The following CACNA1C variants were observed in gnomAD, a reference collection of about 807,000 sequenced individuals.
The protein encoded by CACNA1C is calcium voltage-gated channel subunit alpha1 C.
Under a neutral mutation model 229.0 loss-of-function variants are expected in CACNA1C, and 30 were observed. That is an observed-to-expected ratio of 0.13 (90% CI 0.10 to 0.18). The LOEUF is 0.18. Among genes scored for constraint, CACNA1C ranks in the 10% least tolerant of loss-of-function variants. The pLI, the probability that CACNA1C is intolerant of heterozygous loss-of-function variation, is 1.00. For synonymous variants in CACNA1C, 1,114 were observed against 1,132.5 expected (o/e 0.98, Z 0.33); for missense variants, 1,658 against 2,845.0 (o/e 0.58, Z 9.49).
At chr12:2,170,904 C>A (rs956797068) in intron 3 of CACNA1C, among the ~76,000 whole-genome samples, 1 of 152,202 alleles carries the variant, frequency 6.6e-6, no homozygotes, top group Admixed American at 6.5e-5. Context: ...ATGGGACCCA[C>A]CCCTGCTGCT....
In CACNA1C at chr12:2,689,047, G is replaced by A. The variant is rs1037838053; in HGVS notation, c.6117+268G>A. 6.6e-6 allele frequency among the ~76,000 whole-genome samples: 1 copy of A among 152,176 alleles called. No individual in the cohort carries two copies. The highest frequency in any genetic ancestry group is 6.5e-5 in the Admixed American group (1 of 15,278). On this transcript the variant is annotated intron_variant, in intron 46 of 46. Transcript: ENST00000399655. This position sits in a 1 kb window ranked among gnomAD's most constrained non-coding sequence, Gnocchi z 4.2. Reference sequence around the variant, plus strand: ...CTTATCCCTTATACTGCAGCTGCTCGACATGCAAATGTGAGCCTGGCTGCC... The same window carrying A: ...CTTATCCCTTATACTGCAGCTGCTCAACATGCAAATGTGAGCCTGGCTGCC...
intron 3 of CACNA1C, among the ~76,000 whole-genome samples, chr12:2,257,554 A>T (rs1415305774): frequency 1.3e-5 from 2 of 152,204 alleles, no homozygotes; most frequent in African/African-American, 2.4e-5. Flanking sequence ...ATCTGACAGG[A>T]GCTGGAGCTC....
At chr12:2,177,886 C>T (rs182865597) in intron 3 of CACNA1C, among the ~76,000 whole-genome samples, 101 of 152,246 alleles carry the variant, frequency 6.6e-4, no homozygotes, top group Middle Eastern at 3.4e-3. Flanking sequence ...ATCCATCCGC[C>T]TCTGCCTCCC....
rs2097003960 is a variant in CACNA1C, at chr12:2,346,004, G to A, written c.478-102972G>A. 6.6e-6 allele frequency among the ~76,000 whole-genome samples: 1 copy of A among 152,242 alleles called. No individual in the cohort carries two copies. Among genetic ancestry groups the A allele is most frequent in the Non-Finnish European group, 1.5e-5 (1 of 68,044 alleles). On this transcript the variant is annotated intron_variant, in intron 3 of 46. Coordinates refer to ENST00000399655, the MANE Select transcript of CACNA1C (RefSeq NM_000719.7). This position sits in a 1 kb window ranked among gnomAD's most constrained non-coding sequence, Gnocchi z 4.4. ...CACCTCTGACGCCCGGGCTTGGTCT[G>A]TGAAGGAACGTGGGCCGTATGGCAG...
chr12:2,152,216 T>A lies in CACNA1C; in HGVS notation c.477+31786T>A, dbSNP rs1486549806. ...AGATGCCACTTGTGACAGAAATGAC[T>A]GTTACCCAGTGTCTGTTCTCTACCT... On this transcript the variant is annotated intron_variant, in intron 3 of 46. Transcript: ENST00000399655. The surrounding 1 kb of genome is among the most constrained non-coding windows in gnomAD (Gnocchi z 4.2). 3.9e-5 allele frequency among the ~76,000 whole-genome samples: 6 copies of A among 152,254 alleles called. No homozygotes were observed. In the East Asian group the frequency reaches 1.2e-3, roughly 29 times the overall value.
chr12:2,273,819 G>T (rs551282295), intron 3 of CACNA1C, among the ~76,000 whole-genome samples: 47 of 152,324 alleles, frequency 3.1e-4, no homozygotes, highest in African/African-American at 1.1e-3. Flanking sequence ...TTGGTTAGGG[G>T]GCAGAGAACG....
At position 2,581,807 on chromosome 12, in the gene CACNA1C, C is replaced by T. The variant is rs2060558761; in HGVS notation, c.2103+10C>T. On this transcript the variant is annotated intron_variant, in intron 14 of 46. Coordinates refer to ENST00000399655, the MANE Select transcript of CACNA1C (RefSeq NM_000719.7). ...CCTCACTGTGTTTCAGGTATGGACTCTTCTCTGCTGGGATTCGGACTCGGG... is the reference window on the plus strand; with the variant it reads ...CCTCACTGTGTTTCAGGTATGGACTTTTCTCTGCTGGGATTCGGACTCGGG... 2 of 1,537,222 alleles carry T rather than the reference C, an allele frequency of 1.3e-6. No homozygotes were observed. Among genetic ancestry groups the T allele is most frequent in the South Asian group, 1.1e-5 (1 of 89,034 alleles).
chr12:2,112,998 T>C, intron 1 of CACNA1C, among the ~76,000 whole-genome samples: 1 of 152,206 alleles, frequency 6.6e-6, no homozygotes, highest in East Asian at 1.9e-4. Context: ...GAGACCCAAT[T>C]CACATTAGCT....
chr12:2,291,974 A>G (rs1465694736), intron 3 of CACNA1C, among the ~76,000 whole-genome samples: 2 of 152,196 alleles, frequency 1.3e-5, no homozygotes, highest in African/African-American at 4.8e-5. Flanking sequence ...GGGTCGTTTA[A>G]GTTTCCCACT....
intron 30 of CACNA1C, among the ~76,000 whole-genome samples, chr12:2,637,847 G>A (rs1000131638): frequency 1.3e-5 from 2 of 152,240 alleles, no homozygotes; most frequent in African/African-American, 2.4e-5. Flanking sequence ...CCATGAGGGC[G>A]TTTCACCTGT....
chr12:2,242,924 G>A (rs191208489), intron 3 of CACNA1C, among the ~76,000 whole-genome samples: 57 of 152,314 alleles, frequency 3.7e-4, no homozygotes, highest in African/African-American at 1.3e-3. Context: ...AATTTAAGAG[G>A]AAAGAACTGA....
At chr12:1,993,417 A>C in intron 1 of CACNA1C, 1 of 1,603,236 alleles carries the variant, frequency 6.2e-7, no homozygotes, top group Non-Finnish European at 8.5e-7. Flanking sequence ...AGTCAGGGGG[A>C]AATCAATAGA....
intron 1 of CACNA1C, among the ~76,000 whole-genome samples, chr12:2,026,302 C>T (rs1324115926): frequency 6.6e-6 from 1 of 152,162 alleles, no homozygotes; most frequent in Admixed American, 6.5e-5. Flanking sequence ...TTTGGATTTT[C>T]CTGTTGGTAA....
At chr12:2,192,923 C>G (rs1178018947) in intron 3 of CACNA1C, among the ~76,000 whole-genome samples, 2 of 152,222 alleles carry the variant, frequency 1.3e-5, no homozygotes, top group Non-Finnish European at 2.9e-5. Context: ...CATTCAGAGT[C>G]AGAAGAGAGT....
chr12:2,684,393 TTA>T (rs2097336892), intron 43 of CACNA1C, among the ~76,000 whole-genome samples: 1 of 152,194 alleles, frequency 6.6e-6, no homozygotes, highest in Admixed American at 6.5e-5. Flanking sequence ...CTGAAGCTCC[TTA>T]TGAGATAACT....
At chr12:2,035,068 C>G (rs957464219) in intron 1 of CACNA1C, among the ~76,000 whole-genome samples, 1 of 152,200 alleles carries the variant, frequency 6.6e-6, no homozygotes, top group East Asian at 1.9e-4. Flanking sequence ...CCTCAGGTGC[C>G]GGCGCCCCCT....
At chr12:2,045,286 AG>A (rs2050861786) in intron 1 of CACNA1C, among the ~76,000 whole-genome samples, 1 of 152,244 alleles carries the variant, frequency 6.6e-6, no homozygotes, top group South Asian at 2.1e-4. Context: ...CCTACTGAAA[AG>A]AACACTTTTC....
intron 3 of CACNA1C, among the ~76,000 whole-genome samples, chr12:2,284,803 T>C (rs1055076520): frequency 2.0e-5 from 3 of 152,236 alleles, no homozygotes; most frequent in Non-Finnish European, 2.9e-5. Context: ...AGTGTGAGTC[T>C]GCAGGGAAGG....
intron 1 of CACNA1C, among the ~76,000 whole-genome samples, chr12:2,055,138 A>G (rs1477201076): frequency 6.6e-6 from 1 of 152,208 alleles, no homozygotes; most frequent in East Asian, 1.9e-4. Context: ...TTGGGGTCAC[A>G]AGGGCAGTAT....
Sources: allele counts gnomAD v4.1 joint callset (sites outside exome capture counted in the v4.1 genomes callset), GRCh38; gene constraint gnomAD v4.1.1; non-coding constraint Gnocchi (gnomAD v3.1); transcripts MANE v1.5; gene names NCBI Gene and HGNC (gene_info 2026-07-23, HGNC 2026-07-21).